The following TMSB15B variants were observed in gnomAD, a reference collection of about 807,000 sequenced individuals.
TMSB15B encodes thymosin beta 15B.
chrX:103,921,686 A>G (rs1416861913), intron 1 of TMSB15B, among the ~76,000 whole-genome samples: 2 of 112,170 alleles, frequency 1.8e-5, no homozygotes, highest in African/African-American at 6.5e-5. Context: ...TAAACCTTAG[A>G]AGCTTGAAGG....
intron 1 of TMSB15B, among the ~76,000 whole-genome samples, chrX:103,935,530 G>A (rs1175821180): frequency 1.4e-4 from 16 of 111,737 alleles, no homozygotes; most frequent in Non-Finnish European, 2.3e-4. Flanking sequence ...AAGGTGTAAG[G>A]AAAGGGTCCA....
intron 1 of TMSB15B, among the ~76,000 whole-genome samples, chrX:103,953,994 C>T (rs781830947): frequency 1.8e-5 from 2 of 111,840 alleles, no homozygotes; most frequent in Non-Finnish European, 3.8e-5. Flanking sequence ...CTTGTCACCA[C>T]ACAGGAAACC....
chrX:103,939,806 C>T (rs782543701), intron 1 of TMSB15B, among the ~76,000 whole-genome samples: 50 of 111,814 alleles, frequency 4.5e-4, no homozygotes, highest in Admixed American at 1.8e-3. Flanking sequence ...ATCTACCTTT[C>T]GTCTTTGCTG....
intron 1 of TMSB15B, among the ~76,000 whole-genome samples, chrX:103,920,497 T>C (rs782515333): frequency 5.5e-4 from 61 of 111,501 alleles, no homozygotes; most frequent in Middle Eastern, 4.6e-3. Flanking sequence ...ATCAGTGTAT[T>C]TGTCCATGGC....
At chrX:103,951,314 C>T (rs1231643620) in intron 1 of TMSB15B, among the ~76,000 whole-genome samples, 4 of 111,662 alleles carry the variant, frequency 3.6e-5, no homozygotes, top group Non-Finnish European at 7.5e-5. Flanking sequence ...TGTATGGATG[C>T]GGGTGCAGAT....
intron 1 of TMSB15B, chrX:103,931,728 C>G (rs1198417717): frequency 2.7e-5 from 3 of 112,011 alleles, no homozygotes; most frequent in African/African-American, 6.5e-5. Context: ...AAAGTGATAT[C>G]TTTTTGTATG....
At chrX:103,944,805 T>G (rs1205001192) in intron 1 of TMSB15B, among the ~76,000 whole-genome samples, 1 of 112,208 alleles carries the variant, frequency 8.9e-6, no homozygotes, top group Non-Finnish European at 1.9e-5. Flanking sequence ...TTCTTTTATG[T>G]TTTTTTGAGA....
chrX:103,940,831 C>A (rs2075010883), intron 1 of TMSB15B, among the ~76,000 whole-genome samples: 2 of 111,831 alleles, frequency 1.8e-5, no homozygotes, highest in Admixed American at 1.9e-4. Flanking sequence ...AACCCAGGGC[C>A]CGTGTGGTGT....
intron 1 of TMSB15B, among the ~76,000 whole-genome samples, chrX:103,949,501 C>G (rs2147825435): frequency 9.0e-6 from 1 of 111,324 alleles, no homozygotes; most frequent in East Asian, 2.8e-4. Context: ...GAAGTAGAGC[C>G]AAAACGATTT....
At chrX:103,940,926 A>G (rs1444884925) in intron 1 of TMSB15B, among the ~76,000 whole-genome samples, 1 of 111,119 alleles carries the variant, frequency 9.0e-6, no homozygotes, top group Non-Finnish European at 1.9e-5. Flanking sequence ...ACAGTCCCTC[A>G]TGGCACAGTC....
chrX:103,938,899 TC>T (rs2075005580), intron 1 of TMSB15B, among the ~76,000 whole-genome samples: 1 of 112,462 alleles, frequency 8.9e-6, no homozygotes, highest in Non-Finnish European at 1.9e-5. Context: ...ATTTTATTTC[TC>T]CTTTGCTTAT....
intron 1 of TMSB15B, among the ~76,000 whole-genome samples, chrX:103,930,767 A>AAAT (rs1455355959): frequency 2.9e-5 from 3 of 104,601 alleles, no homozygotes; most frequent in African/African-American, 1.0e-4. Context: ...TAATAATAAT[A>AAAT]AATTACTTTC....
At chrX:103,932,482 T>G (rs1467314373) in intron 1 of TMSB15B, 1 of 112,482 alleles carries the variant, frequency 8.9e-6, no homozygotes, top group Non-Finnish European at 1.9e-5. Flanking sequence ...TCAGAGCATA[T>G]TTTAAAGCTA....
chrX:103,922,069 ATC>A (rs1156457002), intron 1 of TMSB15B, among the ~76,000 whole-genome samples: 4 of 105,222 alleles, frequency 3.8e-5, no homozygotes, highest in Non-Finnish European at 7.8e-5. Flanking sequence ...TATTCCTATT[ATC>A]TCTCTCTCTC....
chrX:103,941,936 T>C (rs1398242018), intron 1 of TMSB15B, among the ~76,000 whole-genome samples: 1 of 107,877 alleles, frequency 9.3e-6, no homozygotes, highest in Non-Finnish European at 2.0e-5. Flanking sequence ...GAAGCATTTA[T>C]TCAAGACATT....
chrX:103,929,036 C>T (rs1188697646), intron 1 of TMSB15B: 2 of 1,123,605 alleles, frequency 1.8e-6, no homozygotes, highest in African/African-American at 1.8e-5. Context: ...AAAGTGTGGC[C>T]ATGCCACCTT....
chrX:103,919,980 T>C (rs1394100167), intron 1 of TMSB15B, among the ~76,000 whole-genome samples: 1 of 111,486 alleles, frequency 9.0e-6, no homozygotes, highest in Non-Finnish European at 1.9e-5. Context: ...GAGGAGGTAG[T>C]AGGGAGAGGG....
intron 1 of TMSB15B, among the ~76,000 whole-genome samples, chrX:103,927,906 G>A (rs1350842956): frequency 1.8e-5 from 2 of 111,849 alleles, no homozygotes; most frequent in Non-Finnish European, 3.8e-5. Context: ...AATGAATTCT[G>A]AATTTCTTAA....
intron 1 of TMSB15B, among the ~76,000 whole-genome samples, chrX:103,921,556 G>A (rs1349842662): frequency 8.9e-6 from 1 of 111,887 alleles, no homozygotes; most frequent in African/African-American, 3.3e-5. Flanking sequence ...GTGCAGGGAT[G>A]GGGGGAGTAT....
Sources: gnomAD v4.1 joint callset for allele counts (sites outside exome capture counted in the v4.1 genomes callset) on GRCh38, gnomAD v4.1.1 for gene constraint, MANE v1.5 for transcripts, NCBI Gene and HGNC (gene_info 2026-07-23, HGNC 2026-07-21) for gene names.